HDAC9: variants seen among roughly 807,000 people sequenced by gnomAD.
The protein encoded by HDAC9 is histone deacetylase 9.
HDAC9 carries 41 observed loss-of-function variants against 139.4 expected under a neutral mutation model. The ratio of observed to expected loss-of-function variants is 0.29; its 90% CI spans 0.23 to 0.38. HDAC9 has a LOEUF of 0.38. Among genes scored for constraint, HDAC9 ranks in the 10% least tolerant of loss-of-function variants. HDAC9 has a pLI of 1.00. For missense variants in HDAC9, 1,147 were observed against 1,297.0 expected, an observed-to-expected ratio of 0.88 and a Z score of 1.78; for synonymous variants, 517 against 476.2, an observed-to-expected ratio of 1.09 and a Z score of -1.12.
intron 23 of HDAC9, among the ~76,000 whole-genome samples, chr7:18,943,613 C>T (rs546481889): frequency 5.4e-4 from 82 of 152,156 alleles, no homozygotes; most frequent in South Asian, 4.4e-3. Flanking sequence ...GTTTAACCTA[C>T]ATTTCTCTAA....
chr7:18,220,536 A>G (rs911066324), intron 2 of HDAC9, among the ~76,000 whole-genome samples: 2 of 152,202 alleles, frequency 1.3e-5, no homozygotes. Flanking sequence ...GTACAAGAGT[A>G]AGAGAGAAGG....
At chr7:18,834,645 T>C (rs1243659115) in intron 19 of HDAC9, among the ~76,000 whole-genome samples, 1 of 152,072 alleles carries the variant, frequency 6.6e-6, no homozygotes, top group South Asian at 2.1e-4. Context: ...TTGCACAAGA[T>C]TGCATAAAAC....
chr7:18,425,125 A>G (rs1034807731), intron 1 of HDAC9, among the ~76,000 whole-genome samples: 1 of 152,216 alleles, frequency 6.6e-6, no homozygotes, highest in Non-Finnish European at 1.5e-5. Context: ...AATAGCATGC[A>G]GCAAGTTGAA....
intron 16 of HDAC9, among the ~76,000 whole-genome samples, chr7:18,767,737 C>G (rs1253405830): frequency 2.0e-5 from 3 of 152,070 alleles, no homozygotes; most frequent in East Asian, 1.9e-4. Context: ...AGAAAAATGT[C>G]TACATTTTTG....
At chr7:18,445,257 C>G (rs1462141633) in intron 1 of HDAC9, among the ~76,000 whole-genome samples, 1 of 152,148 alleles carries the variant, frequency 6.6e-6, no homozygotes, top group African/African-American at 2.4e-5. Context: ...TAGCTCAACT[C>G]AAAACTTCCT....
intron 6 of HDAC9, among the ~76,000 whole-genome samples, chr7:18,625,720 G>A (rs1335055597): frequency 2.0e-5 from 3 of 151,958 alleles, no homozygotes; most frequent in Non-Finnish European, 4.4e-5. Context: ...CGAGGCGAGT[G>A]GATCACCTGA....
rs199622295 is a variant in HDAC9 at position 18,143,180 on chromosome 7, T to G, written c.-96-19049T>G. 4.9e-4 allele frequency among the ~76,000 whole-genome samples: 74 copies of G among 152,350 alleles called. No individual in the cohort carries two copies. The East Asian group carries it at 0.014, about 29-fold the overall frequency. On this transcript the variant is annotated intron_variant, in intron 1 of 12. Coordinates refer to the HDAC9 transcript ENST00000417496. ...TGTGCACCTACGCCTATTGTCAAAT[T>G]AATAAATCTCTATAATGGCATATTT...
intron 1 of HDAC9, among the ~76,000 whole-genome samples, chr7:18,474,446 A>G (rs1478418997): frequency 6.6e-6 from 1 of 152,180 alleles, no homozygotes; most frequent in Non-Finnish European, 1.5e-5. Flanking sequence ...GCTGAGCTGA[A>G]CTGATGAAAT....
chr7:18,405,441 C>G (rs978389646), intron 1 of HDAC9, among the ~76,000 whole-genome samples: 1 of 152,132 alleles, frequency 6.6e-6, no homozygotes, highest in African/African-American at 2.4e-5. Flanking sequence ...CTCACTTTTC[C>G]TTCCCCAAGT....
chr7:18,961,395 G>C (rs1318926379), intron 24 of HDAC9, among the ~76,000 whole-genome samples: 2 of 152,096 alleles, frequency 1.3e-5, no homozygotes, highest in Admixed American at 6.6e-5. Context: ...TGGGTTTTCT[G>C]GCTTGGAAAA....
chr7:18,936,021 T>G (rs890939412), intron 23 of HDAC9, 79 bp downstream of exon 23: 2 of 1,364,834 alleles, frequency 1.5e-6, no homozygotes, highest in Non-Finnish European at 1.0e-6. Context: ...TAAAAAAAAA[T>G]TCTGCATACT....
chr7:18,645,736 G>A (rs577973223), intron 9 of HDAC9, among the ~76,000 whole-genome samples: 2 of 152,240 alleles, frequency 1.3e-5, no homozygotes, highest in South Asian at 2.1e-4. Flanking sequence ...GATACATTAG[G>A]TTTAGAGAGA....
chr7:18,586,120 G>A (rs1829400341), intron 3 of HDAC9, among the ~76,000 whole-genome samples: 1 of 152,074 alleles, frequency 6.6e-6, no homozygotes, highest in Admixed American at 6.5e-5. Flanking sequence ...TTTATTGAAA[G>A]TATTTGGGAG....
intron 1 of HDAC9, among the ~76,000 whole-genome samples, chr7:18,391,255 C>T (rs980409537): frequency 1.3e-5 from 2 of 151,942 alleles, no homozygotes; most frequent in African/African-American, 4.8e-5. Context: ...CATGGTGGCA[C>T]GTGCCTGTAA....
chr7:18,352,222 G>A (rs1184172909), intron 1 of HDAC9, among the ~76,000 whole-genome samples: 4 of 152,118 alleles, frequency 2.6e-5, no homozygotes, highest in Non-Finnish European at 2.9e-5. Flanking sequence ...TCTGAAAAAT[G>A]TACATGAATA....
chr7:18,950,036 ATAAAT>A (rs1264363460), intron 23 of HDAC9, among the ~76,000 whole-genome samples: 1 of 152,104 alleles, frequency 6.6e-6, no homozygotes, highest in African/African-American at 2.4e-5. Context: ...AAACATCTAA[ATAAAT>A]TATAGAATAC....
intron 23 of HDAC9, among the ~76,000 whole-genome samples, chr7:18,943,213 C>T (rs1418051776): frequency 6.6e-6 from 1 of 152,012 alleles, no homozygotes. Context: ...GAACGAACTT[C>T]CCTTCAATGT....
At chr7:18,225,197 T>G (rs906886335) in intron 2 of HDAC9, among the ~76,000 whole-genome samples, 42 of 152,234 alleles carry the variant, frequency 2.8e-4, no homozygotes, top group African/African-American at 9.9e-4. Context: ...CTGGAAGATT[T>G]CTGCTTTGCA....
intron 13 of HDAC9, among the ~76,000 whole-genome samples, chr7:18,739,353 A>G (rs1021698515): frequency 2.6e-5 from 4 of 152,218 alleles, no homozygotes; most frequent in Non-Finnish European, 5.9e-5. Flanking sequence ...TCAGGCTTTT[A>G]GAATTTTCAG....
Sources: gnomAD v4.1 joint callset for allele counts (sites outside exome capture counted in the v4.1 genomes callset) on GRCh38, gnomAD v4.1.1 for gene constraint, MANE v1.5 for transcripts, NCBI Gene and HGNC (gene_info 2026-07-23, HGNC 2026-07-21) for gene names.